Variants in KCNH5 observed in about 807,000 individuals in gnomAD.
KCNH5 encodes potassium voltage-gated channel subfamily H member 5, also known as voltage-gated delayed rectifier potassium channel KCNH5.
Under a neutral mutation model 96.1 loss-of-function variants are expected in KCNH5, and 46 were observed. The observed-to-expected ratio is 0.48, with a 90% confidence interval of 0.38 to 0.61. The LOEUF (loss-of-function observed/expected upper bound fraction) is 0.61. Among genes scored for constraint, KCNH5 ranks in the 20% least tolerant of loss-of-function variants. The pLI is 0.00. For missense variants in KCNH5, 907 were observed against 1,225.8 expected (o/e 0.74, Z 3.88); for synonymous variants, 439 against 449.8 (o/e 0.98, Z 0.30).
rs145521107 is a variant in KCNH5 at position 62,874,019 on chromosome 14, A to G, written c.1370-24167T>C. 3.9e-5 allele frequency among the ~76,000 whole-genome samples: 6 copies of G among 152,344 alleles called. No individual in the cohort carries two copies. The East Asian group carries it at 1.2e-3, about 29-fold the overall frequency. ...ACCTGAAACTCCTGAGGCTAATGATAAAAATAATTTATATTTAAAACAAGT... is the reference window on the plus strand; with the variant it reads ...ACCTGAAACTCCTGAGGCTAATGATGAAAATAATTTATATTTAAAACAAGT... On this transcript the variant is annotated intron_variant, in intron 7 of 10. Coordinates refer to ENST00000322893, the MANE Select transcript of KCNH5 (RefSeq NM_139318.5).
At chr14:63,001,160 C>T (rs1331302325) in intron 4 of KCNH5, among the ~76,000 whole-genome samples, 171 bp downstream of exon 4, 3 of 152,166 alleles carry the variant, frequency 2.0e-5, no homozygotes, top group South Asian at 4.1e-4. Context: ...GATAGACATG[C>T]CATTTCTATT....
At chr14:62,893,194 G>C (rs117228818) in intron 7 of KCNH5, among the ~76,000 whole-genome samples, 1 of 152,174 alleles carries the variant, frequency 6.6e-6, no homozygotes, top group Non-Finnish European at 1.5e-5. Context: ...ACATTAACAT[G>C]AGTCTGGAAG....
intron 6 of KCNH5, among the ~76,000 whole-genome samples, chr14:62,968,468 A>G (rs1465024449): frequency 1.3e-5 from 2 of 152,302 alleles, no homozygotes; most frequent in East Asian, 3.9e-4. Flanking sequence ...ACATGTATGG[A>G]AAGCTGGTAG....
At chr14:62,812,329 T>C (rs12882869) in intron 8 of KCNH5, among the ~76,000 whole-genome samples, 66,516 of 152,094 alleles carry the variant, frequency 0.44, 15,993 homozygotes, top group South Asian at 0.7. Context: ...CTTTAAGCAC[T>C]TTTTAATTTC....
chr14:62,766,472 T>C (rs1025535777), intron 10 of KCNH5, among the ~76,000 whole-genome samples: 2 of 152,182 alleles, frequency 1.3e-5, no homozygotes, highest in African/African-American at 4.8e-5. Context: ...GTGGTATGTA[T>C]GCACACCTGA....
At chr14:62,790,557 G>T (rs1886411744) in intron 9 of KCNH5, among the ~76,000 whole-genome samples, 1 of 149,650 alleles carries the variant, frequency 6.7e-6, no homozygotes, top group Non-Finnish European at 1.5e-5. Context: ...CCATTTATTT[G>T]TGTCTTCTTC....
chr14:63,020,791 A>T (rs914068048), intron 1 of KCNH5, among the ~76,000 whole-genome samples: 7 of 152,226 alleles, frequency 4.6e-5, no homozygotes, highest in South Asian at 2.1e-4. Context: ...CTGCATAAAA[A>T]TTTTTTAAAA....
intron 4 of KCNH5, among the ~76,000 whole-genome samples, chr14:62,995,679 G>A (rs1890893359): frequency 6.6e-6 from 1 of 152,004 alleles, no homozygotes; most frequent in Non-Finnish European, 1.5e-5. Context: ...CACTCTCTTA[G>A]ATAACTAGTT....
At chr14:62,770,782 C>A (rs142805550) in intron 10 of KCNH5, among the ~76,000 whole-genome samples, 49 of 152,248 alleles carry the variant, frequency 3.2e-4, no homozygotes, top group African/African-American at 1.1e-3. Flanking sequence ...TAATGTTACA[C>A]TCCAGCTGTA....
rs1480621890 is a variant in KCNH5 at position 62,849,709 on chromosome 14, C to T, written c.1513G>A (p.Val505Ile). The T allele has an allele frequency of 1.3e-5, 21 of 1,613,750 alleles. No individual in the cohort carries two copies. The highest frequency in any genetic ancestry group is 1.7e-5 in the Non-Finnish European group (20 of 1,179,878). Residue 505 changes from valine to isoleucine, a missense_variant, in exon 8 of 11, where the codon GTC becomes ATC. By Grantham distance (29) the Val-to-Ile change is conservative. Coordinates refer to ENST00000322893, the MANE Select transcript of KCNH5 (RefSeq NM_139318.5). ...CATGTTGAGACAATATAATCCATGA[C>T]TCGCTCACTAAGGCCTTTTGGGACC... ...YQVPKGLSERVMDYIVSTWSM... is the reference protein window; with the variant it reads ...YQVPKGLSERIMDYIVSTWSM...
intron 10 of KCNH5, among the ~76,000 whole-genome samples, chr14:62,739,372 A>C (rs1885224271): frequency 6.6e-6 from 1 of 152,194 alleles, no homozygotes; most frequent in Admixed American, 6.5e-5. Flanking sequence ...GATTTATTTG[A>C]AGCCTACAGT....
chr14:62,926,584 G>C (rs1161232072), intron 7 of KCNH5, among the ~76,000 whole-genome samples: 1 of 152,074 alleles, frequency 6.6e-6, no homozygotes, highest in Admixed American at 6.6e-5. Flanking sequence ...TGAAGTCTGA[G>C]ATCAGGGTGC....
In KCNH5 at chr14:62,701,930, C is replaced by T. The variant is rs1378990634; in HGVS notation, c.*5578G>A. 2.0e-5 allele frequency: 3 copies of T among 152,048 alleles called. No individual in the cohort carries two copies. Among genetic ancestry groups the T allele is most frequent in the Non-Finnish European group, 2.9e-5 (2 of 67,954 alleles). 9.4% of individuals were successfully genotyped at this position (152,048 alleles called of 1,614,324 possible). ...AATAGTGGTTTGGCCAAGAAGCCAACATCAGTGCAATCAATAAAAATATCT... is the reference window on the plus strand; with the variant it reads ...AATAGTGGTTTGGCCAAGAAGCCAATATCAGTGCAATCAATAAAAATATCT... On this transcript the variant is annotated 3_prime_UTR_variant, in exon 11 of 11. Transcript: ENST00000322893.
chr14:62,991,881 A>G (rs1566531086), intron 4 of KCNH5, among the ~76,000 whole-genome samples: 1 of 152,186 alleles, frequency 6.6e-6, no homozygotes, highest in East Asian at 1.9e-4. Flanking sequence ...ATTTCTTTAC[A>G]TGTATCAATT....
chr14:62,883,383 C>T (rs2140078186), intron 7 of KCNH5, among the ~76,000 whole-genome samples: 1 of 152,232 alleles, frequency 6.6e-6, no homozygotes, highest in Middle Eastern at 3.4e-3. Context: ...AGAGTCTTTT[C>T]TCTGTGGAGG....
Position 62,846,122 on chromosome 14 carries a change from G to A in KCNH5, c.1569+3531C>T, listed in dbSNP as rs1240762890. On this transcript the variant is annotated intron_variant, in intron 8 of 10. Coordinates refer to ENST00000322893, the MANE Select transcript of KCNH5 (RefSeq NM_139318.5). The stretch of plus-strand genomic sequence containing the variant: ...TTTGACCATTTACCATATTAAAAAT[G>A]TTTCTATGTCTTTTTGTTTGTTTGT... Among the ~76,000 whole-genome samples the A allele has an allele frequency of 4.6e-5, 7 of 152,020 alleles. No homozygotes were observed. In the East Asian group the frequency reaches 1.4e-3, roughly 29 times the overall value.
chr14:62,956,182 C>A (rs1305182066), intron 6 of KCNH5, among the ~76,000 whole-genome samples: 1 of 152,200 alleles, frequency 6.6e-6, no homozygotes, highest in African/African-American at 2.4e-5. Flanking sequence ...CTCTGCATAG[C>A]CCTAGTGCTC....
At chr14:63,030,413 A>G (rs1891603331) in intron 1 of KCNH5, among the ~76,000 whole-genome samples, 1 of 152,232 alleles carries the variant, frequency 6.6e-6, no homozygotes, top group Admixed American at 6.5e-5. Flanking sequence ...ACTATGCAGT[A>G]TCCTATCAGA....
chr14:62,810,658 C>T (rs552362197), intron 8 of KCNH5, among the ~76,000 whole-genome samples: 7 of 152,092 alleles, frequency 4.6e-5, no homozygotes, highest in South Asian at 2.1e-4. Context: ...TTTACAAATG[C>T]GATGTCAATG....
Sources: gnomAD v4.1 joint callset for allele counts (sites outside exome capture counted in the v4.1 genomes callset) on GRCh38, gnomAD v4.1.1 for gene constraint, MANE v1.5 for transcripts, NCBI Gene and HGNC (gene_info 2026-07-23, HGNC 2026-07-21) for gene names.